EFCAB3: variants seen among roughly 807,000 people sequenced by gnomAD.
EFCAB3 encodes EF-hand calcium binding domain 3.
Under a neutral mutation model 42.2 loss-of-function variants are expected in EFCAB3, and 36 were observed. The ratio of observed to expected loss-of-function variants is 0.85; its 90% CI spans 0.65 to 1.13. The LOEUF (loss-of-function observed/expected upper bound fraction) is 1.13. Among genes scored for constraint, EFCAB3 ranks in the 50% most tolerant of loss-of-function variants. The pLI is 0.00. For synonymous variants in EFCAB3, 170 were observed against 172.8 expected (o/e 0.98, Z 0.13); for missense variants, 418 against 505.1 (o/e 0.83, Z 1.65).
Position 62,413,631 on chromosome 17 carries a change from C to A in EFCAB3, c.868-101C>A, listed in dbSNP as rs143813150. 5,944 of 1,058,398 alleles carry A rather than the reference C, an allele frequency of 5.6e-3. 248 individuals are homozygous for A. In the African/African-American group the frequency reaches 0.081, roughly 14 times the overall value. 65.6% of individuals were successfully genotyped at this position (1,058,398 alleles called of 1,614,324 possible). On this transcript the variant is annotated intron_variant, in intron 8 of 9. Coordinates refer to ENST00000305286, the MANE Select transcript of EFCAB3 (RefSeq NM_173503.4). ...TGGCAATAACCTTATAAATTATATACAAATCCTTCTATAATAAAATATACT... is the reference window on the plus strand; with the variant it reads ...TGGCAATAACCTTATAAATTATATAAAAATCCTTCTATAATAAAATATACT...
chr17:62,396,310 T>G (rs928120258), intron 6 of EFCAB3, among the ~76,000 whole-genome samples: 37 of 152,266 alleles, frequency 2.4e-4, no homozygotes, highest in Non-Finnish European at 4.7e-4. Context: ...ATCCCAGCAC[T>G]TAGGGAGGCT....
At chr17:62,388,150 G>T (rs995894287) in intron 3 of EFCAB3, among the ~76,000 whole-genome samples, 2 of 152,102 alleles carry the variant, frequency 1.3e-5, no homozygotes, top group African/African-American at 4.8e-5. Context: ...AGCGGAGGTT[G>T]CAGTAAGCCG....
intron 1 of EFCAB3, among the ~76,000 whole-genome samples, chr17:62,373,309 A>T (rs1328919194): frequency 1.3e-5 from 2 of 148,868 alleles, no homozygotes; most frequent in African/African-American, 2.5e-5. Context: ...AGAAATAGGT[A>T]TCTCTTTCAA....
intron 6 of EFCAB3, among the ~76,000 whole-genome samples, chr17:62,398,323 G>A (rs1357384540): frequency 1.3e-5 from 2 of 152,066 alleles, no homozygotes; most frequent in Non-Finnish European, 2.9e-5. Context: ...GTGCGGTGCT[G>A]CGCACCTGTA....
intron 1 of EFCAB3, among the ~76,000 whole-genome samples, chr17:62,371,102 GAA>G (rs10537497): frequency 0.19 from 27,549 of 147,972 alleles, 2,622 homozygotes; most frequent in Middle Eastern, 0.22. Flanking sequence ...CTTAAAAAAA[GAA>G]AAAAAAAAAA....
At chr17:62,414,125 A>C (rs2070523822) in intron 9 of EFCAB3, among the ~76,000 whole-genome samples, 1 of 152,234 alleles carries the variant, frequency 6.6e-6, no homozygotes, top group Non-Finnish European at 1.5e-5. Context: ...GTTATTCCAG[A>C]AATATCAAAC....
chr17:62,380,053 G>A (rs2070183126), upstream of EFCAB3, among the ~76,000 whole-genome samples: 1 of 152,182 alleles, frequency 6.6e-6, no homozygotes, highest in Non-Finnish European at 1.5e-5. Context: ...CCAGGCTAGA[G>A]TGCAGGGGCG....
At chr17:62,390,358 A>T (rs2070292933) in intron 3 of EFCAB3, among the ~76,000 whole-genome samples, 1 of 152,218 alleles carries the variant, frequency 6.6e-6, no homozygotes. Context: ...GTTTATTTGC[A>T]GCGCAGAGAG....
At chr17:62,394,838 A>G (rs995779825) in intron 5 of EFCAB3, among the ~76,000 whole-genome samples, 3 of 152,200 alleles carry the variant, frequency 2.0e-5, no homozygotes, top group Admixed American at 2.0e-4. Context: ...TAAAAATATT[A>G]CTATGTTTTC....
intron 9 of EFCAB3, among the ~76,000 whole-genome samples, chr17:62,415,156 C>T (rs995780428): frequency 6.6e-6 from 1 of 151,960 alleles, no homozygotes; most frequent in Non-Finnish European, 1.5e-5. Context: ...TCAAATCTGT[C>T]CCCTTCACTC....
In EFCAB3 at chr17:62,407,158, GC is replaced by G. The variant is rs767738215; in HGVS notation, c.815del (p.Pro272LeufsTer22). The G allele has an allele frequency of 1.8e-5, 29 of 1,605,632 alleles. No homozygotes were observed. The highest frequency in any genetic ancestry group is 2.5e-5 in the Non-Finnish European group (29 of 1,177,362). On this transcript the variant is annotated frameshift_variant, in exon 8 of 10. Transcript: ENST00000305286. LOFTEE classifies it high-confidence loss of function. ...QKLEMLRIKE[P>X]LHFFEDYFFH... The stretch of plus-strand genomic sequence containing the variant: ...AATTAGAGATGCTAAGAATAAAGGA[GC>G]CTTTGCATTTCTTTGAGGATTATTT...
At chr17:62,395,688 C>CATTCTCATCCTTTAAACCTTTA (rs1252221211) in intron 6 of EFCAB3, among the ~76,000 whole-genome samples, 1 of 152,138 alleles carries the variant, frequency 6.6e-6, no homozygotes, top group Non-Finnish European at 1.5e-5. Context: ...GATGAAGAAA[C>CATTCTCATCCTTTAAACCTTTA]ATTCTCATCC....
At position 62,414,352 on chromosome 17, in the gene EFCAB3, C is replaced by T. The variant is rs553058441; in HGVS notation, c.990+498C>T. Among the ~76,000 whole-genome samples the T allele has an allele frequency of 3.7e-3, 559 of 152,284 alleles. 2 individuals are homozygous for T. Among genetic ancestry groups the T allele is most frequent in the African/African-American group, 0.012 (488 of 41,554 alleles). On this transcript the variant is annotated intron_variant, in intron 9 of 9. Transcript: ENST00000305286. ...ATTCTTTGGGCTATCTCAATCTATC[C>T]TCCTTGGTTCAGCTGCCACCTATGT...
intron 3 of EFCAB3, among the ~76,000 whole-genome samples, chr17:62,390,485 T>C (rs910741499): frequency 6.6e-5 from 10 of 152,212 alleles, no homozygotes; most frequent in Admixed American, 6.5e-5. Context: ...TTTTCTTTTT[T>C]CCATGGTACA....
Position 62,413,723 on chromosome 17 carries a change from T to C in EFCAB3, c.868-9T>C, listed in dbSNP as rs2070519533. ...TATTACTAACCTTCTTTTTTAAATA[T>C]GCATAAAGGCAGCAAATATAAAGTC... On this transcript the variant is annotated splice_polypyrimidine_tract_variant and intron_variant, in intron 8 of 9. Coordinates refer to ENST00000305286, the MANE Select transcript of EFCAB3 (RefSeq NM_173503.4). 6.3e-7 allele frequency: 1 copy of C among 1,581,234 alleles called. No individual in the cohort carries two copies. Among genetic ancestry groups the C allele is most frequent in the Non-Finnish European group, 8.6e-7 (1 of 1,165,738 alleles).
intron 6 of EFCAB3, chr17:62,397,406 C>T (rs952876589): frequency 1.2e-5 from 5 of 421,160 alleles, no homozygotes; most frequent in South Asian, 6.2e-5. Flanking sequence ...GATGGGCAAG[C>T]GTCATGGACT....
chr17:62,392,864 C>A (rs1477558473), intron 4 of EFCAB3, among the ~76,000 whole-genome samples: 1 of 152,052 alleles, frequency 6.6e-6, no homozygotes, highest in Non-Finnish European at 1.5e-5. Flanking sequence ...GTCTCGATCT[C>A]CTGACTTCGT....
At chr17:62,376,188 T>C (rs1360214550), upstream of EFCAB3, among the ~76,000 whole-genome samples, 1 of 152,220 alleles carries the variant, frequency 6.6e-6, no homozygotes, top group Non-Finnish European at 1.5e-5. Context: ...TAAAGTTTTC[T>C]TTGGCTGGGC....
At chr17:62,377,664 C>A (rs1452657172), upstream of EFCAB3, among the ~76,000 whole-genome samples, 12 of 152,136 alleles carry the variant, frequency 7.9e-5, no homozygotes, top group Non-Finnish European at 1.5e-5. Context: ...GGTAACAGAT[C>A]ATCTTCCTCC....
Sources: allele counts gnomAD v4.1 joint callset (sites outside exome capture counted in the v4.1 genomes callset), GRCh38; gene constraint gnomAD v4.1.1; transcripts MANE v1.5; gene names NCBI Gene and HGNC (gene_info 2026-07-23, HGNC 2026-07-21).